The following PTPN3 variants were observed in gnomAD, a reference collection of about 807,000 sequenced individuals.
The protein encoded by PTPN3 is tyrosine-protein phosphatase non-receptor type 3.
In PTPN3, 96 loss-of-function variants were observed where a neutral mutation model predicts 132.7. The observed-to-expected ratio is 0.72, with a 90% CI of 0.61 to 0.86. PTPN3 has a LOEUF of 0.86. Among genes scored for constraint, PTPN3 ranks in the 40% least tolerant of loss-of-function variants. The probability of loss-of-function intolerance (pLI) is 0.00; values close to 1 mark genes in which losing one functional copy is unlikely to be tolerated. For missense variants in PTPN3, 1,125 were observed against 1,159.6 expected (o/e 0.97, Z 0.43); for synonymous variants, 398 against 429.0 (o/e 0.93, Z 0.89).
rs368203249 is a variant in PTPN3 at position 109,450,181 on chromosome 9, C to A, written c.369-1326G>T. ...TTATTACTTTGATTATAATTAACTA[C>A]CCACAATGTATTGAACACCTGGCCT... is the stretch of plus-strand genomic sequence containing the variant. On this transcript the variant is annotated intron_variant, in intron 5 of 25. Transcript: ENST00000374541. 60 of 985,082 alleles carry A rather than the reference C, an allele frequency of 6.1e-5. 1 individual carries two copies. The South Asian group carries it at 2.4e-3, about 40-fold the overall frequency. 61.0% of individuals were successfully genotyped at this position (985,082 alleles called of 1,614,324 possible).
intron 22 of PTPN3, 90 bp downstream of exon 22, chr9:109,389,143 C>T (rs537982924): frequency 2.7e-5 from 41 of 1,499,342 alleles, no homozygotes; most frequent in South Asian, 1.2e-4. Flanking sequence ...GACCAGGAGA[C>T]GCTGAAGACC....
intron 8 of PTPN3, 73 bp downstream of exon 8, chr9:109,438,040 CA>C: frequency 6.1e-6 from 9 of 1,474,150 alleles, no homozygotes; most frequent in Non-Finnish European, 8.2e-6. Context: ...GAGGCTGCAT[CA>C]AACACAAAGG....
chr9:109,406,403 G>C, intron 18 of PTPN3, 59 bp downstream of exon 18: 1 of 1,558,100 alleles, frequency 6.4e-7, no homozygotes, highest in South Asian at 1.2e-5. Flanking sequence ...AAGGGCTGGA[G>C]CAGGCGCAGC....
chr9:109,490,995 C>T (rs916416450), intron 1 of PTPN3, among the ~76,000 whole-genome samples: 17 of 150,704 alleles, frequency 1.1e-4, no homozygotes, highest in African/African-American at 3.7e-4. Flanking sequence ...GTCAGGAGTT[C>T]GAGACCAGCA....
At chr9:109,524,603 T>C in the PTPN3 span, among the ~76,000 whole-genome samples, 1 of 152,214 alleles carries the variant, frequency 6.6e-6, no homozygotes, top group Non-Finnish European at 1.5e-5. Context: ...CCACAATGAA[T>C]ATAATTGTGT....
At chr9:109,480,558 C>A (rs1039991371) in intron 1 of PTPN3, among the ~76,000 whole-genome samples, 1 of 152,126 alleles carries the variant, frequency 6.6e-6, no homozygotes, top group African/African-American at 2.4e-5. Context: ...ATTTATTTTT[C>A]TTTTGTTACT....
chr9:109,524,614 A>G, the PTPN3 span, among the ~76,000 whole-genome samples: 4 of 152,266 alleles, frequency 2.6e-5, no homozygotes, highest in Admixed American at 2.6e-4. Flanking sequence ...ATAATTGTGT[A>G]AAAATATGTC....
rs1588268918 is a variant in PTPN3, at chr9:109,376,275, A to G, written c.*3281T>C. On this transcript the variant is annotated 3_prime_UTR_variant, in exon 26 of 26. Coordinates refer to ENST00000374541, the MANE Select transcript of PTPN3 (RefSeq NM_002829.4). ...CTAGACCCAAGCCCTGCCTCTCACA[A>G]TCTTTCCCCATTTCTGCTGCCTCTT... is the stretch of plus-strand genomic sequence containing the variant. 1 of 151,928 alleles carries G rather than the reference A, an allele frequency of 6.6e-6. No homozygotes were observed. Among genetic ancestry groups the G allele is most frequent in the African/African-American group, 2.4e-5 (1 of 41,348 alleles). The allele number at this position is 151,928 out of a possible 1,614,324, so 9.4% of individuals were successfully genotyped here. A position where few individuals can be genotyped will look rare whatever the true frequency, so the allele number is the denominator to read the frequency against.
intron 25 of PTPN3, among the ~76,000 whole-genome samples, chr9:109,380,832 T>C (rs1839011460): frequency 6.6e-6 from 1 of 152,148 alleles, no homozygotes; most frequent in South Asian, 2.1e-4. Context: ...TCATGTACCC[T>C]GGGGGTTTTT....
intron 12 of PTPN3, among the ~76,000 whole-genome samples, chr9:109,426,292 TTATA>T (rs1430390290): frequency 1.3e-5 from 2 of 148,546 alleles, no homozygotes; most frequent in African/African-American, 4.9e-5. Flanking sequence ...AATTTATATA[TTATA>T]TATATTTATA....
intron 6 of PTPN3, among the ~76,000 whole-genome samples, chr9:109,447,774 A>C (rs1247216176): frequency 6.6e-6 from 1 of 152,170 alleles, no homozygotes; most frequent in Non-Finnish European, 1.5e-5. Flanking sequence ...CCTTGTGCAC[A>C]ATGATACTAT....
At chr9:109,435,218 C>T (rs928586098) in intron 9 of PTPN3, among the ~76,000 whole-genome samples, 4 of 152,158 alleles carry the variant, frequency 2.6e-5, no homozygotes, top group Admixed American at 2.6e-4. Flanking sequence ...GCACCTCAAC[C>T]CCTGCAGCAT....
the PTPN3 span, among the ~76,000 whole-genome samples, chr9:109,514,191 G>C: frequency 6.6e-6 from 1 of 152,086 alleles, no homozygotes; most frequent in Non-Finnish European, 1.5e-5. Flanking sequence ...TCTCACTGGG[G>C]CTCTTGCAAA....
chr9:109,447,367 C>G (rs1359829135), intron 6 of PTPN3, among the ~76,000 whole-genome samples: 1 of 152,078 alleles, frequency 6.6e-6, no homozygotes. Context: ...CTGCTAAGGA[C>G]AGCCTGGACC....
At chr9:109,518,708 G>A in the PTPN3 span, among the ~76,000 whole-genome samples, 3 of 152,180 alleles carry the variant, frequency 2.0e-5, no homozygotes, top group East Asian at 5.8e-4. Flanking sequence ...GTAAAGCTCT[G>A]GCTGGTATGT....
At chr9:109,490,216 C>A (rs1042641686) in intron 1 of PTPN3, among the ~76,000 whole-genome samples, 12 of 151,522 alleles carry the variant, frequency 7.9e-5, no homozygotes, top group African/African-American at 1.7e-4. Flanking sequence ...ACAAAAAAAA[C>A]CCCACATCAC....
intron 1 of PTPN3, among the ~76,000 whole-genome samples, chr9:109,476,962 CTGAT>C (rs1245641045): frequency 8.5e-5 from 13 of 152,308 alleles, no homozygotes; most frequent in East Asian, 5.8e-4. Flanking sequence ...TCACTCCTGA[CTGAT>C]TGATTTTGAC....
At position 109,391,545 on chromosome 9, in the gene PTPN3, T is replaced by C. The variant is rs573531360; in HGVS notation, c.1970A>G (p.Lys657Arg). The C allele has an allele frequency of 1.9e-6, 3 of 1,613,710 alleles. No individual in the cohort carries two copies. In the African/African-American group the frequency reaches 4.0e-5, roughly 22 times the overall value. Reference protein sequence around the residue: ...LIQFEQLYRKKPGLAITFAKL... With the variant: ...LIQFEQLYRKRPGLAITFAKL... Reference sequence around the variant, plus strand: ...TGCAAACGTGATGGCCAAACCTGGCTTTTTTCTGTAGAGTTGCTATGTGAG... The same window carrying C: ...TGCAAACGTGATGGCCAAACCTGGCCTTTTTCTGTAGAGTTGCTATGTGAG... The change falls in exon 20 of 26, where the codon AAG becomes AGG. Residue 657 changes from lysine (K) to arginine (R), a missense_variant. Coordinates refer to ENST00000374541, the MANE Select transcript of PTPN3 (RefSeq NM_002829.4).
At chr9:109,481,009 G>A (rs78905344) in intron 1 of PTPN3, among the ~76,000 whole-genome samples, 1,557 of 152,282 alleles carry the variant, frequency 0.01, 35 homozygotes, top group African/African-American at 0.035. Context: ...GCCCACAGCT[G>A]GCTGGGAGAC....
Sources: gnomAD v4.1 joint callset for allele counts (sites outside exome capture counted in the v4.1 genomes callset) on GRCh38, gnomAD v4.1.1 for gene constraint, MANE v1.5 for transcripts, NCBI Gene and HGNC (gene_info 2026-07-23, HGNC 2026-07-21) for gene names.